The following RUNX2 variants were observed in gnomAD, a reference collection of about 807,000 sequenced individuals.
The protein encoded by RUNX2 is runt-related transcription factor 2.
RUNX2 carries 10 observed loss-of-function variants against 51.7 expected under a neutral mutation model. The ratio of observed to expected loss-of-function variants is 0.19; its 90% CI spans 0.12 to 0.33. The LOEUF (loss-of-function observed/expected upper bound fraction) is 0.33, where lower values mean the gene tolerates loss of function less well. Among genes scored for constraint, RUNX2 ranks in the 10% least tolerant of loss-of-function variants. RUNX2 has a pLI of 1.00. For missense variants in RUNX2, 562 were observed against 691.3 expected (o/e 0.81, Z 2.10); for synonymous variants, 276 against 273.6 (o/e 1.01, Z -0.09).
At chr6:45,363,649 T>C (rs182129853) in intron 2 of RUNX2, among the ~76,000 whole-genome samples, 1 of 152,104 alleles carries the variant, frequency 6.6e-6, no homozygotes, top group Admixed American at 6.5e-5. Flanking sequence ...ATTCTTAATA[T>C]AAAGCCACTA....
At chr6:45,491,099 T>C (rs916028577) in intron 5 of RUNX2, among the ~76,000 whole-genome samples, 1 of 152,178 alleles carries the variant, frequency 6.6e-6, no homozygotes, top group East Asian at 1.9e-4. Flanking sequence ...ATTTCTCTAA[T>C]ACCCAGAATT....
At chr6:45,501,610 C>T (rs1800802861) in intron 6 of RUNX2, among the ~76,000 whole-genome samples, 1 of 152,196 alleles carries the variant, frequency 6.6e-6, no homozygotes, top group African/African-American at 2.4e-5. Context: ...ATATTAATGA[C>T]CACTTTCTGG....
At chr6:45,397,483 C>T (rs772461728) in intron 2 of RUNX2, among the ~76,000 whole-genome samples, 8 of 152,118 alleles carry the variant, frequency 5.3e-5, no homozygotes, top group Non-Finnish European at 8.8e-5. Flanking sequence ...TTACCATTCT[C>T]ACCAATAATA....
At chr6:45,502,473 G>A (rs886345757) in intron 6 of RUNX2, among the ~76,000 whole-genome samples, 3 of 152,180 alleles carry the variant, frequency 2.0e-5, no homozygotes, top group Admixed American at 6.5e-5. Flanking sequence ...ATTAGAAGGT[G>A]TGAGGTGGAG....
At chr6:45,366,128 T>C (rs1795095679) in intron 2 of RUNX2, among the ~76,000 whole-genome samples, 1 of 152,216 alleles carries the variant, frequency 6.6e-6, no homozygotes. Context: ...TTAGTTATTA[T>C]TTCATATGCT....
At chr6:45,472,682 T>G (rs2150394296) in intron 5 of RUNX2, among the ~76,000 whole-genome samples, 2 of 152,364 alleles carry the variant, frequency 1.3e-5, no homozygotes, top group Admixed American at 1.3e-4. Context: ...TGGACACTGC[T>G]TTCCTTATAG....
chr6:45,413,692 G>A (rs1188788217), intron 2 of RUNX2, among the ~76,000 whole-genome samples: 1 of 152,074 alleles, frequency 6.6e-6, no homozygotes, highest in Non-Finnish European at 1.5e-5. Flanking sequence ...GCCTCCCAAA[G>A]TACTGGGATT....
chr6:45,483,351 C>CTTT, intron 5 of RUNX2, among the ~76,000 whole-genome samples: 1 of 149,030 alleles, frequency 6.7e-6, no homozygotes, highest in East Asian at 2.0e-4. Flanking sequence ...CAATAACCAG[C>CTTT]TTTTTTTTTT....
chr6:45,545,049 T>C (rs1802355400), intron 7 of RUNX2, among the ~76,000 whole-genome samples, 168 bp from the exon 8 acceptor site: 1 of 152,196 alleles, frequency 6.6e-6, no homozygotes, highest in African/African-American at 2.4e-5. Context: ...CACTAGCTTT[T>C]ACCCTCTGCT....
intron 5 of RUNX2, among the ~76,000 whole-genome samples, chr6:45,451,380 G>A (rs1799166680): frequency 6.6e-6 from 1 of 152,218 alleles, no homozygotes; most frequent in African/African-American, 2.4e-5. Context: ...ATTCTCTTAG[G>A]ACTATGTATC....
intron 2 of RUNX2, among the ~76,000 whole-genome samples, chr6:45,375,017 G>A (rs1395490076): frequency 1.3e-5 from 2 of 152,092 alleles, no homozygotes; most frequent in Non-Finnish European, 2.9e-5. Flanking sequence ...AACCAGCCTG[G>A]CCAACATAGT....
chr6:45,365,239 C>T lies in RUNX2; in HGVS notation c.58+36455C>T, dbSNP rs772909797. On this transcript the variant is annotated intron_variant, in intron 2 of 8. Transcript: ENST00000647337. ...ATTCTGTTGCAAAGCTTATAGACTT[C>T]CCTGTACTCCTTCCACTACTTGAAG... 1.9e-6 allele frequency: 3 copies of T among 1,612,444 alleles called. No homozygotes were observed. In the Admixed American group the frequency reaches 5.0e-5, roughly 27 times the overall value.
chr6:45,396,993 A>T (rs1009977268), intron 2 of RUNX2, among the ~76,000 whole-genome samples: 1 of 152,120 alleles, frequency 6.6e-6, no homozygotes, highest in African/African-American at 2.4e-5. Flanking sequence ...CTTTGTCCAA[A>T]TTTTTGTGTA....
At chr6:45,544,909 C>T (rs1040293370) in intron 7 of RUNX2, among the ~76,000 whole-genome samples, 2 of 152,236 alleles carry the variant, frequency 1.3e-5, no homozygotes, top group Non-Finnish European at 2.9e-5. Context: ...GTCAGAATTT[C>T]GTTTTTGGGA....
chr6:45,407,261 G>C (rs1426827159), intron 2 of RUNX2, among the ~76,000 whole-genome samples: 1 of 152,010 alleles, frequency 6.6e-6, no homozygotes, highest in Non-Finnish European at 1.5e-5. Flanking sequence ...GTACCACCAG[G>C]CTGGTCTCGA....
Position 45,328,709 on chromosome 6 carries a change from A to G in RUNX2, c.-18A>G, listed in dbSNP as rs1786852984. ...CAACAGAGGGTACAAGTTCTATCTG[A>G]AAAAAAAAGGAGGGACTATGGCATC... On this transcript the variant is annotated 5_prime_UTR_variant, in exon 2 of 9. Transcript: ENST00000647337. The G allele has an allele frequency of 1.2e-6, 2 of 1,605,284 alleles. No homozygotes were observed. The highest frequency in any genetic ancestry group is 1.1e-5 in the South Asian group (1 of 90,808).
intron 5 of RUNX2, among the ~76,000 whole-genome samples, chr6:45,449,133 G>A (rs1432373217): frequency 2.0e-5 from 3 of 152,176 alleles, no homozygotes; most frequent in East Asian, 3.8e-4. Context: ...GGGATTGGAG[G>A]ACTCAGGAAT....
chr6:45,444,067 A>G (rs1251849069), intron 5 of RUNX2, among the ~76,000 whole-genome samples: 1 of 152,076 alleles, frequency 6.6e-6, no homozygotes, highest in East Asian at 1.9e-4. Flanking sequence ...GCCGACTGAT[A>G]TCGACCTCCT....
intron 2 of RUNX2, among the ~76,000 whole-genome samples, chr6:45,381,140 C>T (rs1286603618): frequency 2.0e-5 from 3 of 152,126 alleles, no homozygotes; most frequent in Non-Finnish European, 4.4e-5. Context: ...ACGTTGAGAA[C>T]TGTTTTCCAA....
Sources: gnomAD v4.1 joint callset for allele counts (sites outside exome capture counted in the v4.1 genomes callset) on GRCh38, gnomAD v4.1.1 for gene constraint, MANE v1.5 for transcripts, NCBI Gene and HGNC (gene_info 2026-07-23, HGNC 2026-07-21) for gene names.